RHBDF2: variants seen among roughly 807,000 people sequenced by gnomAD.
RHBDF2 encodes the protein rhomboid 5 homolog 2.
A neutral mutation model predicts 95.2 loss-of-function variants in RHBDF2; 38 were observed. The observed-to-expected ratio is 0.40, with a 90% CI of 0.31 to 0.52. RHBDF2 has a LOEUF of 0.52. Among genes scored for constraint, RHBDF2 ranks in the 20% least tolerant of loss-of-function variants. The pLI, the probability that RHBDF2 is intolerant of heterozygous loss-of-function variation, is 0.56. For synonymous variants in RHBDF2, 442 were observed against 462.0 expected (o/e 0.96, Z 0.55); for missense variants, 863 against 1,137.7 (o/e 0.76, Z 3.47).
rs2073554605 is a variant in RHBDF2 at position 76,471,429 on chromosome 17, G to A, written c.*204C>T. Reference sequence around the variant, plus strand: ...CTGAGCTTGGGTCAGGATCTCACAGGCCTCACGCCCCAGAAAAACCCCGCC... The same window carrying A: ...CTGAGCTTGGGTCAGGATCTCACAGACCTCACGCCCCAGAAAAACCCCGCC... On this transcript the variant is annotated 3_prime_UTR_variant, in exon 19 of 19. Coordinates refer to ENST00000675367, the MANE Select transcript of RHBDF2 (RefSeq NM_001005498.4). 1.7e-6 allele frequency: 1 copy of A among 591,588 alleles called. No individual in the cohort carries two copies. 36.6% of individuals were successfully genotyped at this position (591,588 alleles called of 1,614,324 possible).
At chr17:76,474,830 G>A in intron 10 of RHBDF2, 26 bp from the exon 11 acceptor site, 1 of 1,609,066 alleles carries the variant, frequency 6.2e-7, no homozygotes, top group Non-Finnish European at 8.5e-7. Flanking sequence ...CACAGAGGAG[G>A]GCGTCAGAAC....
intron 9 of RHBDF2, 117 bp downstream of exon 9, chr17:76,476,713 G>T (rs2073782429): frequency 4.2e-6 from 6 of 1,416,972 alleles, no homozygotes; most frequent in Admixed American, 2.5e-5. Context: ...CTACACTCCT[G>T]ATCCGCAGAA....
At chr17:76,477,898 G>A in intron 6 of RHBDF2, 113 bp from the exon 7 acceptor site, 1 of 1,471,716 alleles carries the variant, frequency 6.8e-7, no homozygotes, top group Non-Finnish European at 9.1e-7. Context: ...CGCCTTGGGA[G>A]GAGGGATCCT....
chr17:76,498,787 AGAGT>A (rs1330402500), intron 1 of RHBDF2, among the ~76,000 whole-genome samples: 1 of 52,808 alleles, frequency 1.9e-5, no homozygotes, highest in Non-Finnish European at 5.1e-5. Flanking sequence ...GGAGAGAAAG[AGAGT>A]GTGTGTGTGT....
At chr17:76,478,672 C>A in intron 6 of RHBDF2, 134 bp downstream of exon 6, 1 of 744,646 alleles carries the variant, frequency 1.3e-6, no homozygotes. Context: ...GGGATCCCAG[C>A]ACATCCACTG....
chr17:76,476,977 C>T lies in RHBDF2; in HGVS notation c.968G>A (p.Arg323His), dbSNP rs202045677. ...APVPGPRRGK[R>H]IASKVKHFAF... The stretch of plus-strand genomic sequence containing the variant: ...AAAGTGCTTCACCTTGGAGGCGATG[C>T]GCTTGCCGCGCCGGGGCCCGGGGAC... Residue 323 changes from arginine (R) to histidine (H), a missense_variant, in exon 9 of 19, where the codon CGC becomes CAC. Arg to His is a conservative substitution (Grantham distance 29). This residue lies in a region of RHBDF2 where 611 missense variants were observed against 725.5 expected (regional missense o/e 0.84). Transcript: ENST00000675367. The T allele has an allele frequency of 3.5e-5, 57 of 1,613,796 alleles. No homozygotes were observed. The highest frequency in any genetic ancestry group is 1.6e-4 in the Middle Eastern group (1 of 6,070).
intron 9 of RHBDF2, 173 bp downstream of exon 9, chr17:76,476,657 G>A: frequency 8.2e-6 from 8 of 974,656 alleles, no homozygotes; most frequent in Non-Finnish European, 1.0e-5. Context: ...CCCTTCCCAG[G>A]TCATGTGCAC....
intron 7 of RHBDF2, 34 bp downstream of exon 7, chr17:76,477,622 CA>C: frequency 6.2e-7 from 1 of 1,609,398 alleles, no homozygotes; most frequent in Non-Finnish European, 8.5e-7. Context: ...CAGGCCACCC[CA>C]CCCAACTCCT....
Position 76,479,904 on chromosome 17 carries a change from C to T in RHBDF2, c.151-50G>A. 1.2e-6 allele frequency: 2 copies of T among 1,603,380 alleles called. No homozygotes were observed. Among genetic ancestry groups the T allele is most frequent in the Non-Finnish European group, 8.5e-7 (1 of 1,175,220 alleles). ...GGCGGTGGTGTGTGCAGCCCAGGTC[C>T]TGGGCTGGCTTTTCTTTAGCCTCCT... is the stretch of plus-strand genomic sequence containing the variant. On this transcript the variant is annotated intron_variant, in intron 3 of 18. Transcript: ENST00000675367.
chr17:76,500,121 A>G (rs4647857), intron 1 of RHBDF2, among the ~76,000 whole-genome samples: 28,753 of 152,126 alleles, frequency 0.19, 2,944 homozygotes, highest in East Asian at 0.34. Context: ...AGGGAGCATC[A>G]TTGAGAAGGA....
intron 1 of RHBDF2, among the ~76,000 whole-genome samples, chr17:76,491,446 G>A (rs556510358): frequency 7.3e-5 from 11 of 151,388 alleles, no homozygotes; most frequent in South Asian, 2.1e-4. Flanking sequence ...GGGGGGTCCC[G>A]AAGAGAGGTG....
At chr17:76,494,181 C>G (rs1015670295) in intron 1 of RHBDF2, among the ~76,000 whole-genome samples, 1 of 152,206 alleles carries the variant, frequency 6.6e-6, no homozygotes, top group Non-Finnish European at 1.5e-5. Flanking sequence ...CTGACGCCCC[C>G]TCTGCACCAA....
At chr17:76,482,420 C>T (rs1048629489) in intron 2 of RHBDF2, among the ~76,000 whole-genome samples, 4 of 152,140 alleles carry the variant, frequency 2.6e-5, no homozygotes, top group African/African-American at 9.6e-5. Context: ...GCCTTGGCCT[C>T]CCAAGTGCTG....
At chr17:76,474,987 A>G in intron 10 of RHBDF2, 43 bp downstream of exon 10, 2 of 1,507,406 alleles carry the variant, frequency 1.3e-6, no homozygotes, top group Non-Finnish European at 1.8e-6. Context: ...GAGGCCTCCT[A>G]GGAGAGGCTG....
At chr17:76,490,257 T>A (rs1186128810) in intron 1 of RHBDF2, among the ~76,000 whole-genome samples, 1 of 152,080 alleles carries the variant, frequency 6.6e-6, no homozygotes, top group South Asian at 2.1e-4. Context: ...CCTCCTTCCA[T>A]CCCGAAGTGC....
intron 1 of RHBDF2, among the ~76,000 whole-genome samples, chr17:76,489,553 G>A (rs1376527420): frequency 6.6e-6 from 1 of 152,140 alleles, no homozygotes; most frequent in Non-Finnish European, 1.5e-5. Context: ...TCGATCCCCT[G>A]ACCTCGTGAT....
In RHBDF2 at chr17:76,475,057, G is replaced by A. The variant is rs1365046391; in HGVS notation, c.1200C>T (p.Gly400=). 6.3e-7 allele frequency: 1 copy of A among 1,593,278 alleles called. No homozygotes were observed. The highest frequency in any genetic ancestry group is 8.5e-7 in the Non-Finnish European group (1 of 1,170,924). The change falls in exon 10 of 19, where the codon GGC becomes GGT. Residue 400 remains glycine, a synonymous_variant. Coordinates refer to ENST00000675367, the MANE Select transcript of RHBDF2 (RefSeq NM_001005498.4). The part of the protein sequence containing the change: ...VICTYGIAPV[G]FAQHVTTQLV... ...GCTGGGTGGTGACGTGCTGGGCAAAGCCCACGGGTGCGATGCCATACGTGC... is the reference window on the plus strand; with the variant it reads ...GCTGGGTGGTGACGTGCTGGGCAAAACCCACGGGTGCGATGCCATACGTGC...
chr17:76,475,190 C>G (rs903765935), intron 9 of RHBDF2, 49 bp from the exon 10 acceptor site: 9 of 1,414,732 alleles, frequency 6.4e-6, no homozygotes, highest in Admixed American at 3.9e-5. Flanking sequence ...TATCCCAACC[C>G]CCAGTCCCGG....
At position 76,496,311 on chromosome 17, in the gene RHBDF2, T is replaced by C. The variant is rs186999223; in HGVS notation, c.-220+5042A>G. 1.1e-3 allele frequency among the ~76,000 whole-genome samples: 164 copies of C among 152,322 alleles called. 1 individual carries two copies. In the East Asian group the frequency reaches 0.019, roughly 18 times the overall value. On this transcript the variant is annotated intron_variant, in intron 1 of 18. Coordinates refer to ENST00000675367, the MANE Select transcript of RHBDF2 (RefSeq NM_001005498.4). ...GAGCCCCACAGGGGACAGATCTCTA[T>C]TCGACAGGTGGGGAAACTGAGGCTC...
Sources: gnomAD v4.1 joint callset for allele counts (sites outside exome capture counted in the v4.1 genomes callset) on GRCh38, gnomAD v4.1.1 for gene constraint, gnomAD v4.1.1 regional missense constraint, MANE v1.5 for transcripts, NCBI Gene and HGNC (gene_info 2026-07-23, HGNC 2026-07-21) for gene names.